TRDN: variants seen among roughly 807,000 people sequenced by gnomAD.
The protein encoded by TRDN is triadin.
Under a neutral mutation model 149.7 loss-of-function variants are expected in TRDN, and 161 were observed. The ratio of observed to expected loss-of-function variants is 1.08; its 90% confidence interval spans 0.95 to 1.23. The LOEUF is 1.23. Among genes scored for constraint, TRDN ranks in the 50% most tolerant of loss-of-function variants. The pLI, the probability that TRDN is intolerant of heterozygous loss-of-function variation, is 0.00. For missense variants in TRDN, 896 were observed against 823.5 expected (o/e 1.09, Z -1.08); for synonymous variants, 294 against 250.5 (o/e 1.17, Z -1.64).
intron 32 of TRDN, among the ~76,000 whole-genome samples, chr6:123,266,286 GTA>G (rs1776967667): frequency 4.0e-4 from 2 of 4,992 alleles, no homozygotes; most frequent in Non-Finnish European, 9.1e-4. Context: ...TATATTATAT[GTA>G]ATATGTATTA....
At chr6:123,610,315 G>T (rs947706452) in intron 1 of TRDN, among the ~76,000 whole-genome samples, 13 of 152,074 alleles carry the variant, frequency 8.5e-5, no homozygotes, top group South Asian at 6.2e-4. Flanking sequence ...CCTTAAAACA[G>T]GTCCCAGCTT....
intron 10 of TRDN, among the ~76,000 whole-genome samples, chr6:123,460,566 C>T (rs1157144871): frequency 6.6e-6 from 1 of 151,838 alleles, no homozygotes; most frequent in Non-Finnish European, 1.5e-5. Context: ...ATTATATTGA[C>T]CTGAAGTTCA....
intron 12 of TRDN, among the ~76,000 whole-genome samples, chr6:123,421,830 C>T (rs1044695232): frequency 2.8e-5 from 3 of 108,212 alleles, no homozygotes; most frequent in Admixed American, 9.0e-5. Context: ...AAAAATTGGC[C>T]CAGTGTGGCG....
intron 12 of TRDN, among the ~76,000 whole-genome samples, chr6:123,433,444 C>T (rs1474423086): frequency 6.6e-6 from 1 of 151,866 alleles, no homozygotes; most frequent in African/African-American, 2.4e-5. Flanking sequence ...CAGATCTTGT[C>T]TGTTTATCCA....
intron 9 of TRDN, among the ~76,000 whole-genome samples, chr6:123,474,970 T>A (rs1453815335): frequency 6.6e-6 from 1 of 151,608 alleles, no homozygotes; most frequent in African/African-American, 2.4e-5. Flanking sequence ...GATCCAAAAT[T>A]GACACCCTAA....
intron 32 of TRDN, 48 bp from the exon 33 acceptor site, chr6:123,265,386 T>C: frequency 7.9e-7 from 1 of 1,266,016 alleles, no homozygotes; most frequent in Non-Finnish European, 1.1e-6. Flanking sequence ...TAATTTTCTA[T>C]CTATGGGTGA....
At chr6:123,516,627 C>G (rs1779422691) in intron 5 of TRDN, among the ~76,000 whole-genome samples, 1 of 152,036 alleles carries the variant, frequency 6.6e-6, no homozygotes, top group Non-Finnish European at 1.5e-5. Context: ...TCAACTTAAA[C>G]AGTATGTGTT....
chr6:123,604,970 T>C (rs781069779), intron 1 of TRDN, among the ~76,000 whole-genome samples: 6 of 152,058 alleles, frequency 3.9e-5, no homozygotes, highest in Non-Finnish European at 8.8e-5. Flanking sequence ...GTTCTTAATA[T>C]TTTATATTAT....
chr6:123,608,892 G>A (rs1171843313), intron 1 of TRDN, among the ~76,000 whole-genome samples: 2 of 152,016 alleles, frequency 1.3e-5, no homozygotes, highest in African/African-American at 2.4e-5. Context: ...ATGGAAGCAG[G>A]CTGGGCTCGG....
chr6:123,593,397 T>C (rs1430126787), intron 1 of TRDN, among the ~76,000 whole-genome samples: 1 of 152,170 alleles, frequency 6.6e-6, no homozygotes, highest in Non-Finnish European at 1.5e-5. Flanking sequence ...TGACTTGTCA[T>C]TTGGCAAAAA....
chr6:123,568,516 A>C (rs981590802), intron 2 of TRDN, among the ~76,000 whole-genome samples: 2 of 152,260 alleles, frequency 1.3e-5, no homozygotes, highest in Non-Finnish European at 2.9e-5. Flanking sequence ...CTGGGCACCC[A>C]GAATTTCCCA....
intron 38 of TRDN, among the ~76,000 whole-genome samples, chr6:123,225,992 C>G (rs899502780): frequency 6.6e-6 from 1 of 151,700 alleles, no homozygotes; most frequent in Non-Finnish European, 1.5e-5. Flanking sequence ...AAGATAGGGT[C>G]AGTATGCAAA....
intron 2 of TRDN, among the ~76,000 whole-genome samples, chr6:123,559,206 G>A (rs959465242): frequency 6.6e-6 from 1 of 152,078 alleles, no homozygotes; most frequent in Non-Finnish European, 1.5e-5. Flanking sequence ...TAATCAAAAT[G>A]AAAGCCACCC....
chr6:123,480,173 T>C (rs1052688639), intron 9 of TRDN, among the ~76,000 whole-genome samples: 1 of 151,446 alleles, frequency 6.6e-6, no homozygotes, highest in Non-Finnish European at 1.5e-5. Context: ...ATTAGATTTA[T>C]GTATAAATTG....
intron 1 of TRDN, among the ~76,000 whole-genome samples, chr6:123,588,876 A>C (rs1305372807): frequency 2.6e-5 from 4 of 152,206 alleles, no homozygotes; most frequent in Non-Finnish European, 5.9e-5. Flanking sequence ...TGGCTATTTT[A>C]ATAGAATAAA....
In TRDN at chr6:123,284,728, G is replaced by A. The variant is rs372180007; in HGVS notation, c.1511-5646C>T. 6.0e-4 allele frequency among the ~76,000 whole-genome samples: 91 copies of A among 151,984 alleles called. 3 individuals are homozygous for A. Among genetic ancestry groups the A allele is most frequent in the Admixed American group, 5.3e-3 (81 of 15,226 alleles). ...TCAGTAAAGAGGAAGTCAAACTGTCGCTGTTTGCTGAGGATATAATTATAC... is the reference window on the plus strand; with the variant it reads ...TCAGTAAAGAGGAAGTCAAACTGTCACTGTTTGCTGAGGATATAATTATAC... On this transcript the variant is annotated intron_variant, in intron 24 of 40. Transcript: ENST00000334268.
intron 1 of TRDN, among the ~76,000 whole-genome samples, chr6:123,575,662 T>C (rs1471706843): frequency 6.6e-6 from 1 of 152,008 alleles, no homozygotes; most frequent in Non-Finnish European, 1.5e-5. Flanking sequence ...TCAAAAGAAG[T>C]AGGGATCTCA....
Position 123,388,548 on chromosome 6 carries a change from G to T in TRDN, c.1109C>A (p.Ala370Glu). 6.3e-7 allele frequency: 1 copy of T among 1,585,298 alleles called. No homozygotes were observed. ...QGTVKIAAQA[A>E]AKKDEKKEDS... ...TTCCTTCTTTTCATCCTTCTTAGCT[G>T]CTGCTGAAGTAATGAAAATAGCGTT... Residue 370 changes from alanine to glutamate, a missense_variant, in exon 14 of 41, where the codon GCA becomes GAA. Physicochemically the swap from Ala to Glu is moderately radical, Grantham distance 107. Coordinates refer to ENST00000334268, the MANE Select transcript of TRDN (RefSeq NM_006073.4).
At chr6:123,280,597 C>A (rs1777545353) in intron 24 of TRDN, among the ~76,000 whole-genome samples, 1 of 151,204 alleles carries the variant, frequency 6.6e-6, no homozygotes, top group Non-Finnish European at 1.5e-5. Flanking sequence ...TGACTTTTTT[C>A]ATCATCAGGG....
Sources: allele counts gnomAD v4.1 joint callset (sites outside exome capture counted in the v4.1 genomes callset), GRCh38; gene constraint gnomAD v4.1.1; transcripts MANE v1.5; gene names NCBI Gene and HGNC (gene_info 2026-07-23, HGNC 2026-07-21).